The following UQCRC2 variants were observed in gnomAD, a reference collection of about 807,000 sequenced individuals.
UQCRC2 encodes ubiquinol-cytochrome c reductase core protein 2, also known as cytochrome b-c1 complex subunit 2, mitochondrial.
A neutral mutation model predicts 55.6 loss-of-function variants in UQCRC2; 49 were observed. The ratio of observed to expected loss-of-function variants is 0.88; its 90% confidence interval spans 0.70 to 1.12. The LOEUF (loss-of-function observed/expected upper bound fraction) is 1.12. Ranked by LOEUF, UQCRC2 falls within the 50% of genes most tolerant of loss-of-function variation. The pLI is 0.00. For missense variants in UQCRC2, 506 were observed against 547.8 expected (o/e 0.92, Z 0.76); for synonymous variants, 193 against 192.0 (o/e 1.01, Z -0.04).
intron 4 of UQCRC2, among the ~76,000 whole-genome samples, chr16:21,961,084 G>A (rs1307407446): frequency 1.3e-5 from 2 of 152,122 alleles, no homozygotes; most frequent in Non-Finnish European, 2.9e-5. Flanking sequence ...TCTCACCTCA[G>A]CCCAGCATGC....
intron 4 of UQCRC2, chr16:21,959,434 A>G (rs563905915): frequency 1.6e-5 from 3 of 186,294 alleles, no homozygotes; most frequent in South Asian, 1.7e-4. Context: ...TTCAAGCTTT[A>G]TCATAAGATT....
chr16:21,977,788 C>T (rs183575884), intron 12 of UQCRC2, among the ~76,000 whole-genome samples: 1 of 152,172 alleles, frequency 6.6e-6, no homozygotes, highest in Non-Finnish European at 1.5e-5. Flanking sequence ...AGAATTACAA[C>T]CCAGGATGGA....
Position 21,971,910 on chromosome 16 carries a change from A to G in UQCRC2, c.767-13A>G, listed in dbSNP as rs372907387. 2 of 1,613,334 alleles carry G rather than the reference A, an allele frequency of 1.2e-6. No individual in the cohort carries two copies. Among genetic ancestry groups the G allele is most frequent in the South Asian group, 1.1e-5 (1 of 91,074 alleles). On this transcript the variant is annotated splice_polypyrimidine_tract_variant and intron_variant, in intron 9 of 13. Transcript: ENST00000268379. ...CCATTTTCTTCTTCCCTCTATCCTT[A>G]ATCTGGCCCCAGGTGAAATCCGAGA... is the stretch of plus-strand genomic sequence containing the variant.
chr16:21,968,083 C>A (rs976091438), intron 7 of UQCRC2, among the ~76,000 whole-genome samples: 3 of 150,270 alleles, frequency 2.0e-5, no homozygotes, highest in African/African-American at 7.4e-5. Context: ...CTCACTGCAA[C>A]CTCTGCCTCC....
At position 21,965,360 on chromosome 16, in the gene UQCRC2, C is replaced by G; in HGVS notation, c.515-48C>G. The G allele has an allele frequency of 2.5e-6, 4 of 1,571,856 alleles. No homozygotes were observed. In the South Asian group the frequency reaches 4.5e-5, roughly 17 times the overall value. ...GCTTTCTAGGTTTTAAAAATGTTGT[C>G]TTTACTGAAAGTGCATTTCCCTAAA... On this transcript the variant is annotated intron_variant, in intron 6 of 13. Coordinates refer to ENST00000268379, the MANE Select transcript of UQCRC2 (RefSeq NM_003366.4).
chr16:21,957,356 G>T (rs1485619526), intron 2 of UQCRC2, 38 bp downstream of exon 2: 2 of 1,613,830 alleles, frequency 1.2e-6, no homozygotes, highest in Non-Finnish European at 1.7e-6. Flanking sequence ...AGCTATACAT[G>T]CCTTACTCTC....
intron 4 of UQCRC2, among the ~76,000 whole-genome samples, chr16:21,961,670 T>TATATATA (rs1567470647): frequency 3.3e-4 from 16 of 48,736 alleles, no homozygotes; most frequent in Non-Finnish European, 9.7e-4. Context: ...ATATATATAT[T>TATATATA]TTAGACAGTC....
chr16:21,977,273 G>T lies in UQCRC2; in HGVS notation c.1124+1030G>T, dbSNP rs552704317. Among the ~76,000 whole-genome samples, 3 of 152,082 alleles carry T rather than the reference G, an allele frequency of 2.0e-5. No individual in the cohort carries two copies. The East Asian group carries it at 5.8e-4, about 29-fold the overall frequency. On this transcript the variant is annotated intron_variant, in intron 12 of 13. Coordinates refer to ENST00000268379, the MANE Select transcript of UQCRC2 (RefSeq NM_003366.4). ...GGAGGCTGAAGAGGGGGGATTGCTT[G>T]AGCCCACGAGTTTGAGGCTGCAGTG...
chr16:21,956,494 A>G (rs74360945), intron 1 of UQCRC2, among the ~76,000 whole-genome samples: 10,666 of 152,224 alleles, frequency 0.07, 1,207 homozygotes, highest in African/African-American at 0.24. Context: ...CAATGACCCG[A>G]GATCGCACTG....
intron 8 of UQCRC2, among the ~76,000 whole-genome samples, chr16:21,969,978 C>T (rs1462228217): frequency 6.6e-6 from 1 of 152,056 alleles, no homozygotes; most frequent in Non-Finnish European, 1.5e-5. Context: ...AGGTGATCCT[C>T]CCACCTCAGC....
chr16:21,980,701 G>T lies in UQCRC2; in HGVS notation c.1278+1G>T. ...AGTGGCTAATGCTGATATCATAAAT[G>T]TAAGTAAATGAAAACTTAACGATTT... On this transcript the variant is annotated splice_donor_variant, in intron 13 of 13. Coordinates refer to ENST00000268379, the MANE Select transcript of UQCRC2 (RefSeq NM_003366.4). LOFTEE classifies it high-confidence loss of function. 1.9e-6 allele frequency: 3 copies of T among 1,611,790 alleles called. No homozygotes were observed. Among genetic ancestry groups the T allele is most frequent in the Non-Finnish European group, 2.5e-6 (3 of 1,179,330 alleles).
rs1206263498 is a variant in UQCRC2 at position 21,976,373 on chromosome 16, T to C, written c.1124+130T>C. On this transcript the variant is annotated intron_variant, in intron 12 of 13. Coordinates refer to ENST00000268379, the MANE Select transcript of UQCRC2 (RefSeq NM_003366.4). ...ACAGAAAAGCGTAAAAAGGGAAACA[T>C]ACCCATATCCTACCACCTAAAGATA... 5.3e-6 allele frequency: 4 copies of C among 754,992 alleles called. No individual in the cohort carries two copies. The African/African-American group carries it at 5.4e-5, about 10-fold the overall frequency. 46.8% of individuals were successfully genotyped at this position (754,992 alleles called of 1,614,324 possible).
Position 21,968,802 on chromosome 16 carries a change from TCAGA to T in UQCRC2, c.670+121_670+124del. ...TGAAAACTTCGGCCTTCTATTTATGTCAGACAGGCAATATATCATAGGATTTTAA... is the reference window on the plus strand; with the variant it reads ...TGAAAACTTCGGCCTTCTATTTATGTCAGGCAATATATCATAGGATTTTAA... On this transcript the variant is annotated intron_variant, in intron 8 of 13. Coordinates refer to ENST00000268379, the MANE Select transcript of UQCRC2 (RefSeq NM_003366.4). 1.2e-5 allele frequency: 9 copies of T among 776,662 alleles called. No individual in the cohort carries two copies. The Middle Eastern group carries it at 2.1e-3, about 182-fold the overall frequency. 48.1% of individuals were successfully genotyped at this position (776,662 alleles called of 1,614,324 possible). A position where few individuals can be genotyped will look rare whatever the true frequency, so the allele number is the denominator to read the frequency against.
intron 10 of UQCRC2, among the ~76,000 whole-genome samples, chr16:21,972,594 G>C (rs538062041): frequency 1.2e-4 from 18 of 152,278 alleles, no homozygotes; most frequent in African/African-American, 4.1e-4. Flanking sequence ...AAAATGAGAG[G>C]CTGGGCACAG....
rs568827419 is a variant in UQCRC2, at chr16:21,969,355, G to A, written c.670+670G>A. Among the ~76,000 whole-genome samples the A allele has an allele frequency of 1.3e-3, 198 of 152,206 alleles. 1 individual carries two copies. The highest frequency in any genetic ancestry group is 2.1e-3 in the Non-Finnish European group (141 of 68,010). On this transcript the variant is annotated intron_variant, in intron 8 of 13. Coordinates refer to ENST00000268379, the MANE Select transcript of UQCRC2 (RefSeq NM_003366.4). ...TCAAGACCAGCCTAGCCAACATGGC[G>A]AAACCCCGTCTCTACTAAAAATACA...
rs1483414590 is a variant in UQCRC2 at position 21,971,640 on chromosome 16, A to T, written c.766+20A>T. On this transcript the variant is annotated intron_variant, in intron 9 of 13. Coordinates refer to ENST00000268379, the MANE Select transcript of UQCRC2 (RefSeq NM_003366.4). ...GTGGAGGTAAGCATTTCATTCTATT[A>T]GGGTTAATTTATCAGAAGGGCGTTT... 10 of 1,609,334 alleles carry T rather than the reference A, an allele frequency of 6.2e-6. No homozygotes were observed. The highest frequency in any genetic ancestry group is 8.5e-6 in the Non-Finnish European group (10 of 1,176,846).
At chr16:21,956,899 C>A (rs1249926625) in intron 1 of UQCRC2, among the ~76,000 whole-genome samples, 1 of 151,982 alleles carries the variant, frequency 6.6e-6, no homozygotes, top group Non-Finnish European at 1.5e-5. Flanking sequence ...CCCATCTCTA[C>A]TAAAAAATAC....
At chr16:21,960,986 A>C (rs908015794) in intron 4 of UQCRC2, among the ~76,000 whole-genome samples, 6 of 152,052 alleles carry the variant, frequency 3.9e-5, no homozygotes, top group African/African-American at 1.4e-4. Context: ...ACATGACTCC[A>C]TGCCTGGCTA....
intron 13 of UQCRC2, among the ~76,000 whole-genome samples, chr16:21,982,703 G>A (rs1175653571): frequency 6.6e-6 from 1 of 152,178 alleles, no homozygotes; most frequent in Admixed American, 6.5e-5. Context: ...GGTGGCTCAC[G>A]CCTGTAATCC....
Sources: gnomAD v4.1 joint callset for allele counts (sites outside exome capture counted in the v4.1 genomes callset) on GRCh38, gnomAD v4.1.1 for gene constraint, MANE v1.5 for transcripts, NCBI Gene and HGNC (gene_info 2026-07-23, HGNC 2026-07-21) for gene names.